The following GPR161 variants were observed in gnomAD, a reference collection of about 807,000 sequenced individuals.
GPR161 encodes the protein G-protein coupled receptor RE2.
Under a neutral mutation model 39.2 loss-of-function variants are expected in GPR161, and 25 were observed. The observed-to-expected ratio is 0.64, with a 90% CI of 0.47 to 0.89. GPR161 has a LOEUF of 0.89. Ranked by LOEUF, GPR161 falls within the 40% of genes least tolerant of loss-of-function variation. The pLI is 0.00. For synonymous variants in GPR161, 286 were observed against 276.6 expected (o/e 1.03, Z -0.34); for missense variants, 547 against 677.8 (o/e 0.81, Z 2.14).
chr1:168,113,635 A>G (rs1697398697), intron 1 of GPR161, among the ~76,000 whole-genome samples: 1 of 152,256 alleles, frequency 6.6e-6, no homozygotes. Context: ...CATATGCACC[A>G]TGGAATATTA....
At chr1:168,127,024 AAG>A (rs1220068896) in intron 1 of GPR161, among the ~76,000 whole-genome samples, 2 of 152,190 alleles carry the variant, frequency 1.3e-5, no homozygotes, top group African/African-American at 4.8e-5. Context: ...TAAGACAAAA[AAG>A]AGAGTAGATA....
intron 1 of GPR161, among the ~76,000 whole-genome samples, chr1:168,120,476 C>G (rs1698077036): frequency 6.6e-6 from 1 of 152,162 alleles, no homozygotes; most frequent in African/African-American, 2.4e-5. Flanking sequence ...AGACTTTGGA[C>G]TTGGACTTTT....
intron 1 of GPR161, among the ~76,000 whole-genome samples, chr1:168,107,405 C>T (rs1696709867): frequency 6.6e-6 from 1 of 152,182 alleles, no homozygotes; most frequent in Non-Finnish European, 1.5e-5. Context: ...TGGAATAACG[C>T]ATTCATGGAT....
chr1:168,128,003 C>T (rs1572384895), intron 1 of GPR161, among the ~76,000 whole-genome samples: 1 of 152,182 alleles, frequency 6.6e-6, no homozygotes, highest in East Asian at 1.9e-4. Flanking sequence ...CAGAACTGAG[C>T]TGCTGCAGCT....
chr1:168,130,497 G>A (rs899963669), intron 1 of GPR161, among the ~76,000 whole-genome samples: 1 of 152,136 alleles, frequency 6.6e-6, no homozygotes, highest in African/African-American at 2.4e-5. Flanking sequence ...AAAACCACTT[G>A]AACCCTGAAC....
In GPR161 at chr1:168,081,561, A is replaced by C. The variant is rs1419904335; in HGVS notation, c.*3970T>G. On this transcript the variant is annotated 3_prime_UTR_variant, in exon 6 of 6. Transcript: ENST00000682931. ...TCACCCTGTGACGGAGGACTCCCTC[A>C]ATCCTGTGTGTCTCCACATTGAAAC... 6.6e-6 allele frequency: 1 copy of C among 152,224 alleles called. No homozygotes were observed. Among genetic ancestry groups the C allele is most frequent in the Non-Finnish European group, 1.5e-5 (1 of 68,034 alleles). 9.4% of individuals were successfully genotyped at this position (152,224 alleles called of 1,614,324 possible).
At chr1:168,127,512 C>T (rs765194777) in intron 1 of GPR161, among the ~76,000 whole-genome samples, 34 of 151,696 alleles carry the variant, frequency 2.2e-4, no homozygotes, top group Admixed American at 2.6e-4. Flanking sequence ...TAGTTAAAGA[C>T]AGAGAGGTTT....
chr1:168,104,920 G>A, intron 1 of GPR161, 26 bp from the exon 2 acceptor site: 2 of 1,561,286 alleles, frequency 1.3e-6, no homozygotes, highest in South Asian at 1.2e-5. Context: ...AGGACCAGGG[G>A]ACAGGAAAAG....
In GPR161 at chr1:168,083,988, T is replaced by G. The variant is rs1694248998; in HGVS notation, c.*1543A>C. 1 of 152,298 alleles carries G rather than the reference T, an allele frequency of 6.6e-6. No homozygotes were observed. Among genetic ancestry groups the G allele is most frequent in the Non-Finnish European group, 1.5e-5 (1 of 68,088 alleles). The allele number at this position is 152,298 out of a possible 1,614,324, so 9.4% of individuals were successfully genotyped here. On this transcript the variant is annotated 3_prime_UTR_variant, in exon 6 of 6. Transcript: ENST00000682931. ...CAACCAAAGCAGAGAAGTCCTGAAC[T>G]TATTTAGTCATGATGCAGGCCAAGG...
At chr1:168,131,128 C>T (rs778913250) in intron 1 of GPR161, among the ~76,000 whole-genome samples, 1 of 152,182 alleles carries the variant, frequency 6.6e-6, no homozygotes, top group African/African-American at 2.4e-5. Flanking sequence ...TTCATCCTCA[C>T]TGCCACTACC....
At chr1:168,137,290 C>T (rs1479310839), upstream of GPR161, 5 of 1,521,374 alleles carry the variant, frequency 3.3e-6, no homozygotes, top group Admixed American at 4.0e-5. Context: ...CTCTCTCCAT[C>T]ACACAGACAC....
intron 3 of GPR161, among the ~76,000 whole-genome samples, chr1:168,094,115 C>T (rs888121387): frequency 1.3e-5 from 2 of 152,250 alleles, no homozygotes; most frequent in Non-Finnish European, 2.9e-5. Flanking sequence ...GTGCTCACAG[C>T]TTCACCAGCT....
In GPR161 at chr1:168,083,349, G is replaced by C. The variant is rs564928133; in HGVS notation, c.*2182C>G. ...GTGTGGGGTCAGTGGGGGAGTGGGGGGCTGTCTCAGGATTCTTTCCCTAGA... is the reference window on the plus strand; with the variant it reads ...GTGTGGGGTCAGTGGGGGAGTGGGGCGCTGTCTCAGGATTCTTTCCCTAGA... On this transcript the variant is annotated 3_prime_UTR_variant, in exon 6 of 6. Coordinates refer to ENST00000682931, the MANE Select transcript of GPR161 (RefSeq NM_001375883.1). The C allele has an allele frequency of 6.6e-6, 1 of 152,190 alleles. No individual in the cohort carries two copies. The highest frequency in any genetic ancestry group is 1.5e-5 in the Non-Finnish European group (1 of 68,080). The allele number at this position is 152,190 out of a possible 1,614,324, so 9.4% of individuals were successfully genotyped here.
chr1:168,085,274 T>C lies in GPR161; in HGVS notation c.*257A>G. 1.8e-6 allele frequency: 1 copy of C among 555,202 alleles called. No individual in the cohort carries two copies. Among genetic ancestry groups the C allele is most frequent in the Non-Finnish European group, 3.2e-6 (1 of 309,620 alleles). The allele number at this position is 555,202 out of a possible 1,614,324, so 34.4% of individuals were successfully genotyped here. ...TCTCTAGATTTTTTTTTGGTTTTTT[T>C]TTTGCTTTAGATGCTTCTGGTCCCA... On this transcript the variant is annotated 3_prime_UTR_variant, in exon 6 of 6. Transcript: ENST00000682931.
At chr1:168,115,436 C>T (rs1184320344) in intron 1 of GPR161, among the ~76,000 whole-genome samples, 1 of 151,996 alleles carries the variant, frequency 6.6e-6, no homozygotes, top group Non-Finnish European at 1.5e-5. Context: ...CCTCTTTTTC[C>T]TCCTCTTTTT....
intron 1 of GPR161, among the ~76,000 whole-genome samples, chr1:168,117,620 T>C (rs1242752934): frequency 1.3e-5 from 2 of 152,240 alleles, no homozygotes; most frequent in Non-Finnish European, 2.9e-5. Flanking sequence ...CAGTGCTTAG[T>C]GCTACGTGTT....
At chr1:168,128,986 C>T (rs1413708082) in intron 1 of GPR161, among the ~76,000 whole-genome samples, 1 of 152,344 alleles carries the variant, frequency 6.6e-6, no homozygotes, top group Admixed American at 6.5e-5. Flanking sequence ...AACTCTACAG[C>T]TGGGGCATAG....
At chr1:168,095,649 C>T (rs1454143985) in intron 3 of GPR161, among the ~76,000 whole-genome samples, 1 of 151,974 alleles carries the variant, frequency 6.6e-6, no homozygotes, top group African/African-American at 2.4e-5. Context: ...CATGGACACC[C>T]CCGGATTGTC....
intron 1 of GPR161, chr1:168,135,984 G>A: frequency 8.5e-7 from 1 of 1,179,316 alleles, no homozygotes. Flanking sequence ...CAGACCTCCG[G>A]GAAGCACAGG....
Sources: allele counts gnomAD v4.1 joint callset (sites outside exome capture counted in the v4.1 genomes callset), GRCh38; gene constraint gnomAD v4.1.1; transcripts MANE v1.5; gene names NCBI Gene and HGNC (gene_info 2026-07-23, HGNC 2026-07-21).